SLC30A8: variants seen among roughly 807,000 people sequenced by gnomAD.
The protein encoded by SLC30A8 is proton-coupled zinc antiporter SLC30A8.
A neutral mutation model predicts 36.9 loss-of-function variants in SLC30A8; 27 were observed. The observed-to-expected ratio is 0.73, with a 90% CI of 0.54 to 1.01. The LOEUF (loss-of-function observed/expected upper bound fraction) is 1.01. SLC30A8 is among the 50% of genes least tolerant of loss of function. The pLI, the probability that SLC30A8 is intolerant of heterozygous loss-of-function variation, is 0.00. For missense variants in SLC30A8, 439 were observed against 452.0 expected, an observed-to-expected ratio of 0.97 and a Z score of 0.26; for synonymous variants, 164 against 172.4, an observed-to-expected ratio of 0.95 and a Z score of 0.38.
chr8:117,034,351 T>TA lies in SLC30A8; in HGVS notation c.-265-4867dup, dbSNP rs143216462. Among the ~76,000 whole-genome samples the TA allele has an allele frequency of 7.2e-5, 11 of 152,320 alleles. No individual in the cohort carries two copies. In the East Asian group the frequency reaches 2.1e-3, roughly 29 times the overall value. On this transcript the variant is annotated intron_variant, in intron 1 of 10. Coordinates refer to the SLC30A8 transcript ENST00000427715. Reference sequence around the variant, plus strand: ...ACATCCAGTCCTGCTTCATTGCACTTACCATTTCCTCTTTTAACTGTCCGT... The same window carrying TA: ...ACATCCAGTCCTGCTTCATTGCACTTAACCATTTCCTCTTTTAACTGTCCGT...
At chr8:117,088,855 G>C (rs904524023) in intron 2 of SLC30A8, among the ~76,000 whole-genome samples, 3 of 152,150 alleles carry the variant, frequency 2.0e-5, no homozygotes, top group Non-Finnish European at 4.4e-5. Flanking sequence ...TTGGTAGGTG[G>C]ATCCTGATAT....
At chr8:116,982,672 A>G (rs1038154840) in intron 1 of SLC30A8, among the ~76,000 whole-genome samples, 3 of 152,180 alleles carry the variant, frequency 2.0e-5, no homozygotes, top group Admixed American at 6.5e-5. Context: ...TCAGTCCAGA[A>G]CAAAATGACA....
chr8:116,996,741 C>T (rs979170143), intron 1 of SLC30A8, among the ~76,000 whole-genome samples: 1 of 152,124 alleles, frequency 6.6e-6, no homozygotes, highest in Non-Finnish European at 1.5e-5. Flanking sequence ...ATGTTGGTGG[C>T]TGTACATTTA....
intron 1 of SLC30A8, among the ~76,000 whole-genome samples, chr8:117,010,835 A>G (rs1384876254): frequency 2.0e-5 from 3 of 152,128 alleles, no homozygotes; most frequent in Non-Finnish European, 2.9e-5. Context: ...GAGATGGGGG[A>G]AGTGCTGTAC....
intron 1 of SLC30A8, among the ~76,000 whole-genome samples, chr8:116,978,575 T>TC (rs555215875): frequency 6.6e-6 from 1 of 152,232 alleles, no homozygotes; most frequent in Non-Finnish European, 1.5e-5. Flanking sequence ...GCTCTTTTTT[T>TC]CCCTTTGTCT....
intron 2 of SLC30A8, among the ~76,000 whole-genome samples, chr8:117,045,031 A>G (rs1817505647): frequency 6.6e-6 from 1 of 152,238 alleles, no homozygotes; most frequent in African/African-American, 2.4e-5. Context: ...GCCAGGAATT[A>G]ATTTCTCTAC....
At chr8:117,015,004 A>G (rs1057101336) in intron 1 of SLC30A8, among the ~76,000 whole-genome samples, 6 of 131,020 alleles carry the variant, frequency 4.6e-5, no homozygotes, top group Admixed American at 2.3e-4. Context: ...ATATATCTAT[A>G]TATATTACAA....
At chr8:117,059,898 C>A (rs1221854832) in intron 2 of SLC30A8, among the ~76,000 whole-genome samples, 1 of 152,002 alleles carries the variant, frequency 6.6e-6, no homozygotes, top group Non-Finnish European at 1.5e-5. Flanking sequence ...GTCGTTTTCC[C>A]AGTAGGCTAA....
At chr8:117,153,231 A>G in intron 3 of SLC30A8, 141 bp downstream of exon 3, 1 of 746,298 alleles carries the variant, frequency 1.3e-6, no homozygotes, top group South Asian at 3.1e-5. Context: ...ACAAATGTGT[A>G]TGTGGGAATG....
At chr8:117,041,579 A>T (rs1332991691) in intron 2 of SLC30A8, among the ~76,000 whole-genome samples, 1 of 152,002 alleles carries the variant, frequency 6.6e-6, no homozygotes, top group Non-Finnish European at 1.5e-5. Flanking sequence ...AATTTCAGCT[A>T]CTCGGGAGGC....
intron 1 of SLC30A8, among the ~76,000 whole-genome samples, chr8:116,970,737 A>C (rs1814764573): frequency 6.6e-6 from 1 of 152,214 alleles, no homozygotes; most frequent in African/African-American, 2.4e-5. Context: ...ATATAAAATC[A>C]CTTAGAACAA....
chr8:116,992,401 T>C (rs1296823048), intron 1 of SLC30A8, among the ~76,000 whole-genome samples: 1 of 152,112 alleles, frequency 6.6e-6, no homozygotes, highest in Admixed American at 6.6e-5. Context: ...ACCAGAAGCA[T>C]AGGGCCAAGA....
chr8:117,076,767 G>T (rs1818501129), intron 2 of SLC30A8, among the ~76,000 whole-genome samples: 1 of 146,412 alleles, frequency 6.8e-6, no homozygotes, highest in Non-Finnish European at 1.5e-5. Flanking sequence ...GGGTCAAATA[G>T]TCATTTTTTT....
At chr8:117,016,239 T>C (rs73312281) in intron 1 of SLC30A8, among the ~76,000 whole-genome samples, 3,209 of 152,272 alleles carry the variant, frequency 0.021, 132 homozygotes, top group African/African-American at 0.073. Context: ...GTTTTAACCT[T>C]GCGCACAGAA....
chr8:117,162,801 C>T (rs1822859184), intron 5 of SLC30A8, among the ~76,000 whole-genome samples: 1 of 152,202 alleles, frequency 6.6e-6, no homozygotes, highest in South Asian at 2.1e-4. Flanking sequence ...GGGGCACAGA[C>T]TTTTCTGTGG....
intron 1 of SLC30A8, among the ~76,000 whole-genome samples, chr8:116,998,730 A>G (rs369952306): frequency 6.6e-6 from 1 of 152,204 alleles, no homozygotes; most frequent in East Asian, 1.9e-4. Context: ...ATAGGGGAAA[A>G]GGCCATGTGA....
intron 1 of SLC30A8, among the ~76,000 whole-genome samples, chr8:116,994,404 G>T (rs1339281788): frequency 2.6e-5 from 4 of 152,062 alleles, no homozygotes; most frequent in African/African-American, 9.7e-5. Flanking sequence ...TGTTCAGGCA[G>T]TGTCAAATGG....
intron 2 of SLC30A8, among the ~76,000 whole-genome samples, chr8:117,056,536 T>TTTCA (rs1031181030): frequency 1.1e-4 from 16 of 151,960 alleles, no homozygotes; most frequent in Admixed American, 3.9e-4. Flanking sequence ...TCTCTTTTTC[T>TTTCA]TTCTTTTTTT....
intron 2 of SLC30A8, among the ~76,000 whole-genome samples, chr8:117,094,961 C>T (rs553160369): frequency 6.6e-6 from 1 of 152,332 alleles, no homozygotes; most frequent in East Asian, 1.9e-4. Flanking sequence ...TGTGACAGCA[C>T]CTGGGTGTGG....
Sources: gnomAD v4.1 joint callset for allele counts (sites outside exome capture counted in the v4.1 genomes callset) on GRCh38, gnomAD v4.1.1 for gene constraint, MANE v1.5 for transcripts, NCBI Gene and HGNC (gene_info 2026-07-23, HGNC 2026-07-21) for gene names.